Variants in NRXN1 observed in about 807,000 individuals in gnomAD.
NRXN1 encodes neurexin-1.
Under a neutral mutation model 150.9 loss-of-function variants are expected in NRXN1, and 39 were observed. The observed-to-expected ratio is 0.26, with a 90% CI of 0.20 to 0.34. NRXN1 has a LOEUF of 0.34. Among genes scored for constraint, NRXN1 ranks in the 10% least tolerant of loss-of-function variants. The pLI, the probability that NRXN1 is intolerant of heterozygous loss-of-function variation, is 1.00. For synonymous variants in NRXN1, 924 were observed against 757.0 expected, an observed-to-expected ratio of 1.22 and a Z score of -3.62; for missense variants, 1,815 against 1,949.9, an observed-to-expected ratio of 0.93 and a Z score of 1.30.
At chr2:51,014,293 G>A (rs963869175) in intron 2 of NRXN1, among the ~76,000 whole-genome samples, 2 of 152,012 alleles carry the variant, frequency 1.3e-5, no homozygotes, top group Non-Finnish European at 2.9e-5. Flanking sequence ...CAGACCAGTT[G>A]CAAAGAACGA....
intron 18 of NRXN1, among the ~76,000 whole-genome samples, chr2:50,155,546 T>A (rs1279378298): frequency 1.3e-5 from 2 of 151,642 alleles, no homozygotes; most frequent in Non-Finnish European, 3.0e-5. Context: ...TACAAATTGT[T>A]ATATAATTTG....
intron 18 of NRXN1, among the ~76,000 whole-genome samples, chr2:50,205,267 A>C (rs1263102043): frequency 6.6e-6 from 1 of 152,104 alleles, no homozygotes; most frequent in Non-Finnish European, 1.5e-5. Context: ...AATGAAAATG[A>C]GTATATGTGC....
chr2:50,840,795 A>G (rs1488959490), intron 5 of NRXN1, among the ~76,000 whole-genome samples: 1 of 152,158 alleles, frequency 6.6e-6, no homozygotes, highest in Admixed American at 6.5e-5. Context: ...AAATCTTAAG[A>G]GAGGACTTCA....
chr2:50,259,570 C>T (rs756242312), intron 17 of NRXN1, among the ~76,000 whole-genome samples: 1 of 151,694 alleles, frequency 6.6e-6, no homozygotes, highest in Non-Finnish European at 1.5e-5. Context: ...CAAATGAAAA[C>T]TCTGCCCTCT....
chr2:50,943,737 C>G (rs955352988), intron 2 of NRXN1, among the ~76,000 whole-genome samples: 1 of 152,054 alleles, frequency 6.6e-6, no homozygotes, highest in Non-Finnish European at 1.5e-5. Context: ...GATCACCTAG[C>G]CCAGATCAGT....
chr2:51,011,717 G>T (rs572082237), intron 2 of NRXN1, among the ~76,000 whole-genome samples: 1 of 151,970 alleles, frequency 6.6e-6, no homozygotes, highest in Non-Finnish European at 1.5e-5. Context: ...TGGATAAGGA[G>T]ACCAATTTAT....
intron 17 of NRXN1, among the ~76,000 whole-genome samples, chr2:50,403,121 C>T (rs1014358766): frequency 6.6e-6 from 1 of 152,096 alleles, no homozygotes; most frequent in African/African-American, 2.4e-5. Flanking sequence ...TACAACATCA[C>T]CTGGTTTCCA....
At chr2:50,458,226 A>T (rs1299035501) in intron 17 of NRXN1, among the ~76,000 whole-genome samples, 2 of 152,170 alleles carry the variant, frequency 1.3e-5, no homozygotes, top group Non-Finnish European at 2.9e-5. Context: ...GCGAGCTAGT[A>T]AAATTGACCT....
rs148392264 is a variant in NRXN1 at position 50,164,635 on chromosome 2, A to C, written c.3546+72154T>G. Among the ~76,000 whole-genome samples the C allele has an allele frequency of 3.5e-3, 533 of 152,290 alleles. 7 individuals carry two copies. Among genetic ancestry groups the C allele is most frequent in the South Asian group, 0.019 (93 of 4,826 alleles). On this transcript the variant is annotated intron_variant, in intron 18 of 22. Coordinates refer to ENST00000401669, the MANE Select transcript of NRXN1 (RefSeq NM_001330078.2). ...GACCAAGAAGAAATAAATACTTCAC[A>C]TTCTAAAGAATATGGGGCCAGATCC...
chr2:50,517,411 G>A (rs951692886), intron 12 of NRXN1, among the ~76,000 whole-genome samples: 1 of 49,698 alleles, frequency 2.0e-5, no homozygotes, highest in African/African-American at 5.9e-5. Context: ...AACTTTGTGG[G>A]ACTTTTTTTT....
At chr2:50,817,012 A>T (rs1337969083) in intron 5 of NRXN1, among the ~76,000 whole-genome samples, 1 of 152,072 alleles carries the variant, frequency 6.6e-6, no homozygotes, top group Non-Finnish European at 1.5e-5. Context: ...GCTCTCGGAG[A>T]TCACAAACTG....
intron 5 of NRXN1, among the ~76,000 whole-genome samples, chr2:50,756,574 T>C (rs549959079): frequency 6.6e-5 from 10 of 151,978 alleles, no homozygotes; most frequent in African/African-American, 2.2e-4. Context: ...CTGCATTTTT[T>C]TGCATAAACG....
chr2:50,400,697 A>T (rs2082336369), intron 17 of NRXN1, among the ~76,000 whole-genome samples: 2 of 152,158 alleles, frequency 1.3e-5, no homozygotes, highest in South Asian at 4.1e-4. Context: ...AAAATCTGTA[A>T]ACTTATCAAG....
chr2:51,015,547 C>T (rs576217278), intron 2 of NRXN1, among the ~76,000 whole-genome samples: 2 of 152,100 alleles, frequency 1.3e-5, no homozygotes, highest in African/African-American at 4.8e-5. Context: ...AGGAGAGGAG[C>T]ACCATTCCCA....
rs574161583 is a variant in NRXN1 at position 50,883,899 on chromosome 2, G to C, written c.832+37970C>G. 7.2e-5 allele frequency among the ~76,000 whole-genome samples: 11 copies of C among 151,892 alleles called. No homozygotes were observed. In the South Asian group the frequency reaches 2.3e-3, roughly 32 times the overall value. On this transcript the variant is annotated intron_variant, in intron 5 of 22. Coordinates refer to ENST00000401669, the MANE Select transcript of NRXN1 (RefSeq NM_001330078.2). ...TCTACTTAGTTAAAGTCAGAATGTT[G>C]ATTACTTTCAGGGGTGCAGTGTGTA... is the stretch of plus-strand genomic sequence containing the variant.
intron 5 of NRXN1, among the ~76,000 whole-genome samples, chr2:50,863,919 C>T (rs1270186844): frequency 1.3e-5 from 2 of 151,936 alleles, no homozygotes; most frequent in African/African-American, 2.4e-5. Context: ...CTCATTAGCA[C>T]CAGGATTTAA....
chr2:50,496,073 A>C lies in NRXN1; in HGVS notation c.2902T>G (p.Leu968Val). The change falls in exon 15 of 23, where the codon TTG becomes GTG. Residue 968 changes from leucine (L) to valine (V), a missense_variant. Around this residue, in one of 6 missense-constraint regions of NRXN1, gnomAD observed 339 missense variants for 440.3 expected, o/e 0.77. Transcript: ENST00000401669. Reference sequence around the variant, plus strand: ...TTGATGAGGTTAGCACCATTTCCCAAATCAAACACGTAATGTAAGTACCTG... The same window carrying C: ...TTGATGAGGTTAGCACCATTTCCCACATCAAACACGTAATGTAAGTACCTG... ...VKGYLHYVFD[L>V]GNGANLIKGS... is the part of the protein sequence containing the mutation. The C allele has an allele frequency of 6.2e-7, 1 of 1,607,276 alleles. No homozygotes were observed. Among genetic ancestry groups the C allele is most frequent in the Non-Finnish European group, 8.5e-7 (1 of 1,176,330 alleles).
At chr2:51,017,200 C>G (rs776539788) in intron 2 of NRXN1, among the ~76,000 whole-genome samples, 1 of 151,874 alleles carries the variant, frequency 6.6e-6, no homozygotes, top group Non-Finnish European at 1.5e-5. Context: ...ACGTGTATAC[C>G]TATATAACAA....
chr2:51,004,401 T>C (rs1700445818), intron 2 of NRXN1, among the ~76,000 whole-genome samples: 1 of 152,008 alleles, frequency 6.6e-6, no homozygotes, highest in Non-Finnish European at 1.5e-5. Context: ...AATATTTTGT[T>C]TGGATAAGTC....
Sources: allele counts gnomAD v4.1 joint callset (sites outside exome capture counted in the v4.1 genomes callset), GRCh38; gene constraint gnomAD v4.1.1; regional missense constraint gnomAD v4.1.1; transcripts MANE v1.5; gene names NCBI Gene and HGNC (gene_info 2026-07-23, HGNC 2026-07-21).